DDX60L: variants seen among roughly 807,000 people sequenced by gnomAD.
DDX60L encodes the protein DExD/H-box 60 like, also known as probable ATP-dependent RNA helicase DDX60-like.
A neutral mutation model predicts 211.6 loss-of-function variants in DDX60L; 191 were observed. That is an observed-to-expected ratio of 0.90 (90% confidence interval 0.80 to 1.02). The LOEUF (loss-of-function observed/expected upper bound fraction) is 1.02, where lower values mean the gene tolerates loss of function less well. Ranked by LOEUF, DDX60L falls within the 50% of genes least tolerant of loss-of-function variation. The pLI is 0.00. For synonymous variants in DDX60L, 706 were observed against 694.1 expected, an observed-to-expected ratio of 1.02 and a Z score of -0.27; for missense variants, 2,007 against 1,984.1, an observed-to-expected ratio of 1.01 and a Z score of -0.22.
At chr4:168,409,009 G>T (rs1365975572) in intron 22 of DDX60L, among the ~76,000 whole-genome samples, 1 of 152,164 alleles carries the variant, frequency 6.6e-6, no homozygotes, top group African/African-American at 2.4e-5. Flanking sequence ...AACAATTTCA[G>T]TGTAATCTCA....
rs1011900451 is a variant in DDX60L, at chr4:168,394,545, C to T, written c.3730G>A (p.Gly1244Arg). 4 of 1,613,490 alleles carry T rather than the reference C, an allele frequency of 2.5e-6. No homozygotes were observed. Among genetic ancestry groups the T allele is most frequent in the South Asian group, 1.1e-5 (1 of 91,058 alleles). ...ATGCTGCTGTGATGATATCCAATCC[C>T]CCTTTGTGCTAAAGCCTTCAGTTCT... ...GKELKALAQR[G>R]IGYHHSSMYF... Residue 1244 changes from glycine (G) to arginine (R), a missense_variant, in exon 28 of 38, where the codon GGG becomes AGG. Gly to Arg is a moderately radical substitution (Grantham distance 125). Transcript: ENST00000682922.
intron 28 of DDX60L, 71 bp from the exon 29 acceptor site, chr4:168,391,715 A>C: frequency 1.3e-6 from 1 of 766,534 alleles, no homozygotes; most frequent in Non-Finnish European, 2.0e-6. Flanking sequence ...TCTATTTTCC[A>C]CTCCAGTCAC....
At chr4:168,455,610 GA>G (rs907460290) in intron 7 of DDX60L, among the ~76,000 whole-genome samples, 7 of 152,076 alleles carry the variant, frequency 4.6e-5, no homozygotes, top group Non-Finnish European at 8.8e-5. Flanking sequence ...TTGCTATACT[GA>G]AAAGTTGTAA....
intron 22 of DDX60L, 100 bp from the exon 23 acceptor site, chr4:168,406,806 T>C: frequency 1.2e-6 from 1 of 858,902 alleles, no homozygotes; most frequent in Non-Finnish European, 1.8e-6. Flanking sequence ...AGTCTTTACC[T>C]GTGAATCCAG....
chr4:168,458,775 G>A (rs1454442919), intron 5 of DDX60L, among the ~76,000 whole-genome samples: 1 of 152,172 alleles, frequency 6.6e-6, no homozygotes, highest in African/African-American at 2.4e-5. Context: ...TAACAAACCT[G>A]CATGTTCTGC....
At chr4:168,400,108 C>A (rs923904383) in intron 26 of DDX60L, among the ~76,000 whole-genome samples, 4 of 152,142 alleles carry the variant, frequency 2.6e-5, no homozygotes, top group Non-Finnish European at 5.9e-5. Flanking sequence ...TAAGTGAGAA[C>A]ATGTAGTATT....
At chr4:168,381,513 T>C (rs912260156) in intron 30 of DDX60L, among the ~76,000 whole-genome samples, 1 of 152,092 alleles carries the variant, frequency 6.6e-6, no homozygotes, top group African/African-American at 2.4e-5. Context: ...TTAATAAATA[T>C]ACTTCTTCAA....
At chr4:168,442,155 G>A (rs1322501650) in intron 9 of DDX60L, among the ~76,000 whole-genome samples, 1 of 152,112 alleles carries the variant, frequency 6.6e-6, no homozygotes, top group African/African-American at 2.4e-5. Context: ...CGCACCGTGT[G>A]CGAGCCGAAG....
chr4:168,397,482 C>T (rs1746004550), intron 26 of DDX60L, among the ~76,000 whole-genome samples: 1 of 152,150 alleles, frequency 6.6e-6, no homozygotes, highest in African/African-American at 2.4e-5. Flanking sequence ...CTGAGGCAAT[C>T]ATTATAAACT....
rs1186230256 is a variant in DDX60L, at chr4:168,379,430, T to G, written c.4296A>C (p.Ser1432=). ...TGAGAAAATTTACAAAAACAAGATT[T>G]GAAGGTTCATGACCATGCAAATATG... ...LASYLHGHEP[S]NLVFVNFLKR... is the part of the protein sequence containing the mutation. The change falls in exon 32 of 38, where the codon TCA becomes TCC. Residue 1432 remains serine (S), a synonymous_variant. Transcript: ENST00000682922. 6.2e-7 allele frequency: 1 copy of G among 1,603,878 alleles called. No homozygotes were observed. The highest frequency in any genetic ancestry group is 1.7e-5 in the Admixed American group (1 of 57,512).
In DDX60L at chr4:168,415,382, C is replaced by T. The variant is rs745553795; in HGVS notation, c.2979+26G>A. On this transcript the variant is annotated intron_variant, in intron 22 of 37. Coordinates refer to ENST00000682922, the MANE Select transcript of DDX60L (RefSeq NM_001012967.3). The stretch of plus-strand genomic sequence containing the variant: ...CGATATACACTAAAAATTCCACTAA[C>T]AGGACAAATACACTTTTATACTTAC... The T allele has an allele frequency of 2.5e-5, 37 of 1,505,530 alleles. No homozygotes were observed. The African/African-American group carries it at 4.8e-4, about 20-fold the overall frequency. 93.3% of individuals were successfully genotyped at this position (1,505,530 alleles called of 1,614,324 possible). A position where few individuals can be genotyped will look rare whatever the true frequency, so the allele number is the denominator to read the frequency against.
At chr4:168,453,869 A>G (rs1756154717) in intron 7 of DDX60L, among the ~76,000 whole-genome samples, 1 of 152,182 alleles carries the variant, frequency 6.6e-6, no homozygotes. Flanking sequence ...CAATATGTTC[A>G]TTTTTTTAAA....
intron 22 of DDX60L, 133 bp from the exon 23 acceptor site, chr4:168,406,839 G>GCCT: frequency 3.1e-6 from 2 of 645,394 alleles, no homozygotes; most frequent in Non-Finnish European, 5.3e-6. Flanking sequence ...GCAATCAACT[G>GCCT]TAATATTTCA....
intron 22 of DDX60L, among the ~76,000 whole-genome samples, chr4:168,413,678 G>A (rs1463567765): frequency 6.6e-6 from 1 of 151,712 alleles, no homozygotes; most frequent in Non-Finnish European, 1.5e-5. Flanking sequence ...AAAATATATA[G>A]TCAAAAGAGA....
At chr4:168,401,742 G>A (rs1466705964) in intron 25 of DDX60L, among the ~76,000 whole-genome samples, 2 of 152,176 alleles carry the variant, frequency 1.3e-5, no homozygotes, top group Non-Finnish European at 2.9e-5. Flanking sequence ...CTACTTGTGA[G>A]GCCATGGATT....
At chr4:168,413,704 T>C (rs1749058602) in intron 22 of DDX60L, among the ~76,000 whole-genome samples, 1 of 151,722 alleles carries the variant, frequency 6.6e-6, no homozygotes, top group Non-Finnish European at 1.5e-5. Flanking sequence ...GAAAAGAGAA[T>C]TAAAAATGAT....
chr4:168,405,370 ACAGT>A (rs1747564775), intron 24 of DDX60L, among the ~76,000 whole-genome samples: 1 of 152,204 alleles, frequency 6.6e-6, no homozygotes, highest in Non-Finnish European at 1.5e-5. Context: ...AATAAACATG[ACAGT>A]CAGCAAACTA....
intron 10 of DDX60L, among the ~76,000 whole-genome samples, chr4:168,436,071 AAAGT>A (rs1753002098): frequency 6.6e-6 from 1 of 152,082 alleles, no homozygotes; most frequent in Non-Finnish European, 1.5e-5. Flanking sequence ...AATAAAAAAT[AAAGT>A]ATAATGCCTG....
At chr4:168,411,783 TC>T (rs1748719310) in intron 22 of DDX60L, among the ~76,000 whole-genome samples, 1 of 151,940 alleles carries the variant, frequency 6.6e-6, no homozygotes, top group Admixed American at 6.6e-5. Context: ...AGTGATTGCA[TC>T]ATCCCTCCCC....
Sources: allele counts gnomAD v4.1 joint callset (sites outside exome capture counted in the v4.1 genomes callset), GRCh38; gene constraint gnomAD v4.1.1; transcripts MANE v1.5; gene names NCBI Gene and HGNC (gene_info 2026-07-23, HGNC 2026-07-21).